Variants in UGT1A4 observed in about 807,000 individuals in gnomAD.
The protein encoded by UGT1A4 is UDP-glucuronosyltransferase 1A4.
Under a neutral mutation model 41.1 loss-of-function variants are expected in UGT1A4, and 32 were observed. The observed-to-expected ratio is 0.78, with a 90% CI of 0.59 to 1.05. The LOEUF (loss-of-function observed/expected upper bound fraction) is 1.05. Among genes scored for constraint, UGT1A4 ranks in the 50% least tolerant of loss-of-function variants. The pLI is 0.00. For missense variants in UGT1A4, 748 were observed against 677.4 expected, an observed-to-expected ratio of 1.10 and a Z score of -1.16; for synonymous variants, 283 against 265.1, an observed-to-expected ratio of 1.07 and a Z score of -0.66.
At chr2:233,744,448 G>C (rs1692820883) in intron 1 of UGT1A4, among the ~76,000 whole-genome samples, 1 of 151,846 alleles carries the variant, frequency 6.6e-6, no homozygotes, top group African/African-American at 2.4e-5. Context: ...TACTGCATTA[G>C]AGATTAAAAC....
chr2:233,757,535 A>AATATAT (rs67292694), intron 1 of UGT1A4, among the ~76,000 whole-genome samples: 2,323 of 88,244 alleles, frequency 0.026, 162 homozygotes, highest in African/African-American at 0.078. Context: ...GCCTGTAAGG[A>AATATAT]ATATATATAT....
intron 1 of UGT1A4, among the ~76,000 whole-genome samples, chr2:233,752,797 G>C (rs766471839): frequency 2.6e-5 from 4 of 152,148 alleles, no homozygotes; most frequent in Non-Finnish European, 5.9e-5. Flanking sequence ...TTACACTTCT[G>C]TAGAAGGAAC....
In UGT1A4 at chr2:233,729,602, C is replaced by T. The variant is rs746977069; in HGVS notation, c.867+9915C>T. 10 of 1,613,864 alleles carry T rather than the reference C, an allele frequency of 6.2e-6. No homozygotes were observed. Among genetic ancestry groups the T allele is most frequent in the African/African-American group, 5.3e-5 (4 of 74,870 alleles). On this transcript the variant is annotated intron_variant, in intron 1 of 4. Coordinates refer to ENST00000373409, the MANE Select transcript of UGT1A4 (RefSeq NM_007120.3). ...ACAGACCCCGTTAACCTCTGCGCGG[C>T]AGTGCTGGCTAAGTACCTGTCGATT...
At chr2:233,753,439 T>G (rs1321423136) in intron 1 of UGT1A4, 3 of 152,230 alleles carry the variant, frequency 2.0e-5, no homozygotes, top group African/African-American at 7.2e-5. Flanking sequence ...TGGTTAATGA[T>G]GTGTTCAGGC....
intron 4 of UGT1A4, 92 bp downstream of exon 4, chr2:233,768,531 G>T: frequency 5.4e-6 from 8 of 1,481,574 alleles, no homozygotes; most frequent in South Asian, 4.1e-5. Context: ...ATTTAATAGC[G>T]TTGTTTCAAA....
intron 1 of UGT1A4, among the ~76,000 whole-genome samples, chr2:233,759,654 A>G: frequency 8.3e-6 from 1 of 120,204 alleles, no homozygotes; most frequent in Non-Finnish European, 1.6e-5. Flanking sequence ...CACGATTTCT[A>G]AGTTCCTGCT....
At chr2:233,729,803 C>T in intron 1 of UGT1A4, 4 of 1,613,928 alleles carry the variant, frequency 2.5e-6, no homozygotes, top group Non-Finnish European at 3.4e-6. Flanking sequence ...ATTTGCCATG[C>T]TTTTTCTGCT....
rs143192680 is a variant in UGT1A4, at chr2:233,767,666, C to G, written c.1000-183C>G. 1.9e-3 allele frequency among the ~76,000 whole-genome samples: 295 copies of G among 152,308 alleles called. 3 individuals carry two copies. The highest frequency in any genetic ancestry group is 0.013 in the Admixed American group (199 of 15,308). On this transcript the variant is annotated intron_variant, in intron 2 of 4. Coordinates refer to ENST00000373409, the MANE Select transcript of UGT1A4 (RefSeq NM_007120.3). ...TCACGTAGTGCATACACCCTTGTAA[C>G]TAAACCTCCAAAACAAGATGCCGGA...
At chr2:233,755,164 G>C in intron 1 of UGT1A4, 1 of 1,277,322 alleles carries the variant, frequency 7.8e-7, no homozygotes, top group Non-Finnish European at 1.1e-6. Flanking sequence ...CTGTCCTCGG[G>C]GTTTTTGTCG....
intron 1 of UGT1A4, among the ~76,000 whole-genome samples, chr2:233,759,343 G>T (rs548174363): frequency 1.3e-5 from 2 of 152,096 alleles, no homozygotes; most frequent in Non-Finnish European, 1.5e-5. Context: ...TCAGGTGAGC[G>T]CTGAAAATCT....
At chr2:233,747,816 T>A in intron 1 of UGT1A4, 1 of 1,613,472 alleles carries the variant, frequency 6.2e-7, no homozygotes, top group Non-Finnish European at 8.5e-7. Flanking sequence ...AACGACCAAT[T>A]CAGACCACAT....
Position 233,767,861 on chromosome 2 carries a change from T to C in UGT1A4, c.1012T>C (p.Tyr338His). The C allele has an allele frequency of 1.9e-6, 3 of 1,614,194 alleles. No homozygotes were observed. In the South Asian group the frequency reaches 3.3e-5, roughly 18 times the overall value. ...TTGCCCCTCCCAGGTCCTGTGGCGG[T>C]ACACTGGAACCCGACCATCGAATCT... is the stretch of plus-strand genomic sequence containing the variant. ...GKIPQTVLWR[Y>H]TGTRPSNLAN... The change falls in exon 3 of 5, where the codon TAC becomes CAC. Residue 338 changes from tyrosine to histidine, a missense_variant. Transcript: ENST00000373409.
At chr2:233,770,756 T>C (rs1700148288) in intron 4 of UGT1A4, 1 of 152,202 alleles carries the variant, frequency 6.6e-6, no homozygotes, top group Non-Finnish European at 1.5e-5. Context: ...AGTACTAATA[T>C]TACATTATAA....
At chr2:233,755,038 C>T (rs751084795) in intron 1 of UGT1A4, 123 of 1,320,106 alleles carry the variant, frequency 9.3e-5, no homozygotes, top group Admixed American at 3.2e-4. Flanking sequence ...CTGCCGCCTG[C>T]GCAGCCGCCC....
chr2:233,767,255 G>T, intron 2 of UGT1A4, 90 bp downstream of exon 2: 2 of 1,596,758 alleles, frequency 1.3e-6, no homozygotes, highest in East Asian at 2.2e-5. Context: ...CTCTTAATTG[G>T]AACCTTAGAT....
At chr2:233,725,024 G>C (rs1241696904) in intron 1 of UGT1A4, among the ~76,000 whole-genome samples, 1 of 148,280 alleles carries the variant, frequency 6.7e-6, no homozygotes, top group Non-Finnish European at 1.5e-5. Flanking sequence ...AGCAAAACCC[G>C]GTCTCCACCA....
chr2:233,725,049 TGGCGGCGCGCGCCTG>T (rs1559369977), intron 1 of UGT1A4, among the ~76,000 whole-genome samples: 1 of 147,424 alleles, frequency 6.8e-6, no homozygotes, highest in Non-Finnish European at 1.5e-5. Flanking sequence ...CAGTCAGGCG[TGGCGGCGCGCGCCTG>T]CAATCGCAGG....
chr2:233,729,730 T>G (rs1164529541), intron 1 of UGT1A4: 2 of 1,613,840 alleles, frequency 1.2e-6, no homozygotes, highest in Non-Finnish European at 1.7e-6. Flanking sequence ...AACAACCAAT[T>G]CAGACCACAT....
At chr2:233,742,178 A>T (rs1317325763) in intron 1 of UGT1A4, among the ~76,000 whole-genome samples, 1 of 151,940 alleles carries the variant, frequency 6.6e-6, no homozygotes, top group Non-Finnish European at 1.5e-5. Context: ...AGAAATATAG[A>T]GTGTGGAGTG....
Sources: gnomAD v4.1 joint callset for allele counts (sites outside exome capture counted in the v4.1 genomes callset) on GRCh38, gnomAD v4.1.1 for gene constraint, MANE v1.5 for transcripts, NCBI Gene and HGNC (gene_info 2026-07-23, HGNC 2026-07-21) for gene names.